Variants in PTDSS1 observed in about 807,000 individuals in gnomAD.
The protein encoded by PTDSS1 is phosphatidylserine synthase 1, also known as PSS-1.
In PTDSS1, 45 loss-of-function variants were observed where a neutral mutation model predicts 70.5. The ratio of observed to expected loss-of-function variants is 0.64; its 90% CI spans 0.50 to 0.82. PTDSS1 has a LOEUF of 0.82. PTDSS1 is among the 40% of genes least tolerant of loss of function. The pLI is 0.00. For missense variants in PTDSS1, 417 were observed against 586.1 expected (o/e 0.71, Z 2.98); for synonymous variants, 188 against 203.8 (o/e 0.92, Z 0.66).
rs559536578 is a variant in PTDSS1 at position 96,301,369 on chromosome 8, A to T, written c.752+1524A>T. 5.9e-5 allele frequency among the ~76,000 whole-genome samples: 9 copies of T among 152,258 alleles called. No homozygotes were observed. The South Asian group carries it at 1.9e-3, about 32-fold the overall frequency. On this transcript the variant is annotated intron_variant, in intron 6 of 12. Coordinates refer to ENST00000517309, the MANE Select transcript of PTDSS1 (RefSeq NM_014754.3). ...CTCAGCATCTCAAAGTGTTGGGATT[A>T]CAGGCGTGAGCCACTGTGCCCAGCC... is the stretch of plus-strand genomic sequence containing the variant.
At chr8:96,264,538 C>T (rs1256936436) in intron 1 of PTDSS1, among the ~76,000 whole-genome samples, 5 of 151,988 alleles carry the variant, frequency 3.3e-5, no homozygotes, top group Admixed American at 2.6e-4. Context: ...TAGGTGTGGG[C>T]TTGAAATAAT....
intron 4 of PTDSS1, among the ~76,000 whole-genome samples, chr8:96,293,513 CA>C (rs1810935228): frequency 6.6e-6 from 1 of 152,252 alleles, no homozygotes; most frequent in Non-Finnish European, 1.5e-5. Flanking sequence ...TCCTGGTTCC[CA>C]GGGTTCTGCC....
intron 1 of PTDSS1, among the ~76,000 whole-genome samples, chr8:96,270,233 G>A (rs1381569871): frequency 2.0e-5 from 3 of 152,104 alleles, no homozygotes; most frequent in Non-Finnish European, 4.4e-5. Context: ...GATTCAGAGA[G>A]CTAACATGCA....
chr8:96,309,374 G>T, intron 8 of PTDSS1, 183 bp from the exon 9 acceptor site: 2 of 499,696 alleles, frequency 4.0e-6, no homozygotes, highest in East Asian at 6.0e-5. Context: ...TAACCCAAAC[G>T]CTGAATCTCT....
chr8:96,277,685 A>G (rs1303060212), intron 2 of PTDSS1, among the ~76,000 whole-genome samples: 1 of 152,232 alleles, frequency 6.6e-6, no homozygotes, highest in East Asian at 1.9e-4. Flanking sequence ...ACGGCTGTGT[A>G]TAGGCCAAAA....
intron 10 of PTDSS1, 75 bp downstream of exon 10, chr8:96,320,420 A>C: frequency 1.6e-6 from 2 of 1,288,364 alleles, no homozygotes; most frequent in South Asian, 1.3e-5. Context: ...GGGGCAAAGA[A>C]ACCCTCTTGT....
chr8:96,319,579 G>T (rs890834885), intron 9 of PTDSS1, among the ~76,000 whole-genome samples: 1 of 152,056 alleles, frequency 6.6e-6, no homozygotes, highest in African/African-American at 2.4e-5. Context: ...CCAAAAACGG[G>T]GGCTATTTCA....
At position 96,295,244 on chromosome 8, in the gene PTDSS1, G is replaced by T; in HGVS notation, c.588G>T (p.Trp196Cys). The change falls in exon 5 of 13, where the codon TGG becomes TGT. Residue 196 changes from tryptophan to cysteine, a missense_variant. Physicochemically the swap from Trp to Cys is radical, Grantham distance 215. This residue lies in a region of PTDSS1 where 272 missense variants were observed against 429.5 expected (regional missense o/e 0.63). Transcript: ENST00000517309. ...YGLCWTISIT[W>C]ELTELFFMHL... ...TCTGCTGGACAATCAGTATTACCTG[G>T]GAGCTGACTGAGGTAAGAAGGAGGG... The T allele has an allele frequency of 6.2e-7, 1 of 1,613,292 alleles. No homozygotes were observed. The highest frequency in any genetic ancestry group is 8.5e-7 in the Non-Finnish European group (1 of 1,179,552).
chr8:96,299,711 C>T lies in PTDSS1; in HGVS notation c.618C>T (p.Leu206=). The T allele has an allele frequency of 6.2e-7, 1 of 1,611,168 alleles. No homozygotes were observed. Among genetic ancestry groups the T allele is most frequent in the Non-Finnish European group, 8.5e-7 (1 of 1,179,228 alleles). The change falls in exon 6 of 13, where the codon CTC becomes CTT. Residue 206 remains leucine, a synonymous_variant. Coordinates refer to ENST00000517309, the MANE Select transcript of PTDSS1 (RefSeq NM_014754.3). The part of the protein sequence containing the change: ...WELTELFFMH[L]LPNFAECWWD... ...TTTCTCAGCTCTTCTTCATGCATCTCCTCCCCAATTTTGCCGAGTGCTGGT... is the reference window on the plus strand; with the variant it reads ...TTTCTCAGCTCTTCTTCATGCATCTTCTCCCCAATTTTGCCGAGTGCTGGT...
chr8:96,295,271 A>C lies in PTDSS1; in HGVS notation c.600+15A>C, dbSNP rs772129690. ...AGCTGACTGAGGTAAGAAGGAGGGC[A>C]TTGGGGGTTCCCCAGACTGTGCCAT... On this transcript the variant is annotated intron_variant, in intron 5 of 12. Coordinates refer to ENST00000517309, the MANE Select transcript of PTDSS1 (RefSeq NM_014754.3). 4 of 1,608,800 alleles carry C rather than the reference A, an allele frequency of 2.5e-6. No homozygotes were observed. The highest frequency in any genetic ancestry group is 3.4e-6 in the Non-Finnish European group (4 of 1,177,266).
At chr8:96,309,783 A>C (rs1288556597) in intron 9 of PTDSS1, among the ~76,000 whole-genome samples, 161 bp downstream of exon 9, 1 of 152,166 alleles carries the variant, frequency 6.6e-6, no homozygotes, top group Non-Finnish European at 1.5e-5. Flanking sequence ...ATACATAGAT[A>C]TATCTTTTCA....
chr8:96,284,194 T>A, intron 3 of PTDSS1, 41 bp downstream of exon 3: 1 of 1,529,474 alleles, frequency 6.5e-7, no homozygotes, highest in Non-Finnish European at 9.0e-7. Context: ...TTCTATTTTT[T>A]TAATCTTTTT....
At chr8:96,270,371 A>G (rs1203888569) in intron 1 of PTDSS1, among the ~76,000 whole-genome samples, 1 of 152,130 alleles carries the variant, frequency 6.6e-6, no homozygotes, top group Non-Finnish European at 1.5e-5. Context: ...ATGTGGTTAA[A>G]TCTCTGGATT....
intron 10 of PTDSS1, among the ~76,000 whole-genome samples, chr8:96,327,503 G>A (rs1811454438): frequency 6.6e-6 from 1 of 152,152 alleles, no homozygotes; most frequent in Admixed American, 6.5e-5. Flanking sequence ...TAAAGAGCAA[G>A]ATTGATCGCA....
At chr8:96,294,650 G>C (rs1256735736) in intron 4 of PTDSS1, among the ~76,000 whole-genome samples, 1 of 151,668 alleles carries the variant, frequency 6.6e-6, no homozygotes, top group African/African-American at 2.4e-5. Flanking sequence ...GTGTATTTTC[G>C]TTATCATTAT....
At chr8:96,325,520 C>G (rs987395318) in intron 10 of PTDSS1, among the ~76,000 whole-genome samples, 3 of 152,188 alleles carry the variant, frequency 2.0e-5, no homozygotes, top group Non-Finnish European at 2.9e-5. Flanking sequence ...GAGGCTGCTT[C>G]CTGTCCTCCA....
chr8:96,286,895 G>A, intron 3 of PTDSS1, 127 bp from the exon 4 acceptor site: 1 of 1,164,074 alleles, frequency 8.6e-7, no homozygotes, highest in Non-Finnish European at 1.2e-6. Context: ...ATTATAAGAG[G>A]AGTCTTGACA....
intron 11 of PTDSS1, 69 bp downstream of exon 11, chr8:96,330,350 A>G: frequency 6.8e-7 from 1 of 1,464,148 alleles, no homozygotes; most frequent in Non-Finnish European, 9.5e-7. Context: ...ATTCGCTCAG[A>G]GCACGTGCCT....
chr8:96,273,404 T>G lies in PTDSS1; in HGVS notation c.271+14T>G. On this transcript the variant is annotated intron_variant, in intron 2 of 12. Coordinates refer to ENST00000517309, the MANE Select transcript of PTDSS1 (RefSeq NM_014754.3). ...CTTTCCCCAATGGTAAGTAATGTCA[T>G]GCATTACCACATTTCTCCTATATTG... 6 of 1,563,574 alleles carry G rather than the reference T, an allele frequency of 3.8e-6. No individual in the cohort carries two copies. The highest frequency in any genetic ancestry group is 5.3e-6 in the Non-Finnish European group (6 of 1,142,220).
Sources: allele counts gnomAD v4.1 joint callset (sites outside exome capture counted in the v4.1 genomes callset), GRCh38; gene constraint gnomAD v4.1.1; regional missense constraint gnomAD v4.1.1; transcripts MANE v1.5; gene names NCBI Gene and HGNC (gene_info 2026-07-23, HGNC 2026-07-21).